ADAM9: variants seen among roughly 807,000 people sequenced by gnomAD.
The protein encoded by ADAM9 is ADAM metallopeptidase domain 9.
A neutral mutation model predicts 108.1 loss-of-function variants in ADAM9; 54 were observed. The observed-to-expected ratio is 0.50, with a 90% CI of 0.40 to 0.63. The LOEUF (loss-of-function observed/expected upper bound fraction) is 0.63. Ranked by LOEUF, ADAM9 falls within the 20% of genes least tolerant of loss-of-function variation. The pLI is 0.00. For synonymous variants in ADAM9, 316 were observed against 336.0 expected, an observed-to-expected ratio of 0.94 and a Z score of 0.65; for missense variants, 830 against 997.7, an observed-to-expected ratio of 0.83 and a Z score of 2.26.
intron 18 of ADAM9, among the ~76,000 whole-genome samples, chr8:39,089,275 A>G (rs538565003): frequency 1.1e-4 from 16 of 152,178 alleles, no homozygotes; most frequent in African/African-American, 3.9e-4. Flanking sequence ...AAAATTATCA[A>G]CTCATAGTAT....
At chr8:39,082,230 T>C (rs1350272778) in intron 16 of ADAM9, among the ~76,000 whole-genome samples, 1 of 152,188 alleles carries the variant, frequency 6.6e-6, no homozygotes, top group African/African-American at 2.4e-5. Flanking sequence ...ATATCTGTCA[T>C]AGTAACAACA....
At chr8:38,998,899 T>C (rs1304569846) in intron 1 of ADAM9, among the ~76,000 whole-genome samples, 1 of 152,206 alleles carries the variant, frequency 6.6e-6, no homozygotes, top group African/African-American at 2.4e-5. Flanking sequence ...GAGTCTTCTA[T>C]GCTGAACTAA....
At chr8:39,038,865 T>C (rs28727336) in intron 11 of ADAM9, among the ~76,000 whole-genome samples, 20,967 of 152,210 alleles carry the variant, frequency 0.14, 3,047 homozygotes, top group African/African-American at 0.37. Context: ...GCCTATTCTT[T>C]TGTCTCAAAC....
At position 39,091,283 on chromosome 8, in the gene ADAM9, C is replaced by T. The variant is rs1839345282; in HGVS notation, c.2235C>T (p.Asn745=). 1 of 1,614,100 alleles carries T rather than the reference C, an allele frequency of 6.2e-7. No homozygotes were observed. Among genetic ancestry groups the T allele is most frequent in the Non-Finnish European group, 8.5e-7 (1 of 1,180,008 alleles). ...TYESDGKNQA[N]PSRQPGSVPR... is the part of the protein sequence containing the mutation. ...GGTCAGATGGCAAAAATCAAGCAAACCCTTCTAGACAGCCGGGGAGTGTTC... is the reference window on the plus strand; with the variant it reads ...GGTCAGATGGCAAAAATCAAGCAAATCCTTCTAGACAGCCGGGGAGTGTTC... Residue 745 remains asparagine, a synonymous_variant, in exon 20 of 22, where the codon AAC becomes AAT. Transcript: ENST00000487273.
chr8:39,006,415 A>T (rs1408020568), intron 1 of ADAM9, among the ~76,000 whole-genome samples: 2 of 151,784 alleles, frequency 1.3e-5, no homozygotes, highest in African/African-American at 4.8e-5. Context: ...TATCTTGGAA[A>T]AAGTTAGATG....
At chr8:39,062,472 G>A (rs561535059) in intron 14 of ADAM9, among the ~76,000 whole-genome samples, 1 of 152,142 alleles carries the variant, frequency 6.6e-6, no homozygotes, top group African/African-American at 2.4e-5. Context: ...TGCCTATCTT[G>A]CTTCTACTTA....
At chr8:39,044,172 T>G (rs547104172) in intron 12 of ADAM9, among the ~76,000 whole-genome samples, 18 of 152,326 alleles carry the variant, frequency 1.2e-4, no homozygotes, top group African/African-American at 4.3e-4. Flanking sequence ...CCAAGACCAA[T>G]GTCATGAAGC....
intron 18 of ADAM9, among the ~76,000 whole-genome samples, chr8:39,086,544 A>G (rs910180763): frequency 6.6e-6 from 1 of 152,192 alleles, no homozygotes; most frequent in African/African-American, 2.4e-5. Flanking sequence ...TTTTGAACAA[A>G]TAGAATACAG....
At chr8:39,009,972 C>CCCT (rs1836301831) in intron 2 of ADAM9, among the ~76,000 whole-genome samples, 1 of 149,216 alleles carries the variant, frequency 6.7e-6, no homozygotes, top group Admixed American at 6.7e-5. Context: ...AAACCCCCCC[C>CCCT]CCCAAACCAA....
intron 12 of ADAM9, among the ~76,000 whole-genome samples, chr8:39,045,439 C>CACACCTATAAGTGCGT (rs1564301873): frequency 2.9e-5 from 1 of 34,338 alleles, no homozygotes; most frequent in Admixed American, 3.2e-4. Context: ...TATATGTGCG[C>CACACCTATAAGTGCGT]GTGTGTACAC....
chr8:39,072,785 T>C (rs778995712), intron 15 of ADAM9, among the ~76,000 whole-genome samples: 8 of 152,270 alleles, frequency 5.3e-5, no homozygotes, highest in Non-Finnish European at 8.8e-5. Flanking sequence ...ACAGGTGTTC[T>C]TGATGCTGTT....
chr8:39,037,050 CTTTTTTTTTTT>C (rs58876607), intron 11 of ADAM9, among the ~76,000 whole-genome samples: 11 of 78,608 alleles, frequency 1.4e-4, no homozygotes, highest in African/African-American at 3.2e-4. Flanking sequence ...TGCGCAAGTT[CTTTTTTTTTTT>C]TTTTTTTTTT....
At chr8:39,066,813 T>C (rs1219651176) in intron 14 of ADAM9, among the ~76,000 whole-genome samples, 1 of 152,232 alleles carries the variant, frequency 6.6e-6, no homozygotes, top group African/African-American at 2.4e-5. Context: ...GTTTTAGACA[T>C]GAAGTCCTTG....
chr8:39,082,858 TGTCA>T (rs1839066133), intron 17 of ADAM9, 106 bp from the exon 18 acceptor site: 1 of 1,325,188 alleles, frequency 7.5e-7, no homozygotes, highest in African/African-American at 1.5e-5. Context: ...TCTTAAACAG[TGTCA>T]GTAAGCTTGT....
intron 10 of ADAM9, 52 bp downstream of exon 10, chr8:39,025,936 A>G: frequency 6.5e-7 from 1 of 1,541,918 alleles, no homozygotes; most frequent in Non-Finnish European, 9.0e-7. Flanking sequence ...GACAATATCA[A>G]GCATTTATTG....
At chr8:39,078,401 A>G (rs907380649) in intron 16 of ADAM9, among the ~76,000 whole-genome samples, 15 of 150,754 alleles carry the variant, frequency 9.9e-5, no homozygotes, top group Non-Finnish European at 1.9e-4. Context: ...GGCTCATGAC[A>G]AAAACAACTC....
At chr8:39,028,842 G>A (rs1421443801) in intron 11 of ADAM9, among the ~76,000 whole-genome samples, 1 of 152,138 alleles carries the variant, frequency 6.6e-6, no homozygotes, top group Non-Finnish European at 1.5e-5. Context: ...GCAGAATGTG[G>A]AGGATTGGGA....
In ADAM9 at chr8:39,054,147, A is replaced by G. The variant is rs566490730; in HGVS notation, c.1303-334A>G. Among the ~76,000 whole-genome samples, 4 of 152,250 alleles carry G rather than the reference A, an allele frequency of 2.6e-5. No homozygotes were observed. In the South Asian group the frequency reaches 8.3e-4, roughly 32 times the overall value. ...GGAAGAGAATCCTCACTAGAAACTG[A>G]ACTAGTAGGAACCTTGATCTTGGAT... On this transcript the variant is annotated intron_variant, in intron 12 of 21. Coordinates refer to ENST00000487273, the MANE Select transcript of ADAM9 (RefSeq NM_003816.3).
chr8:39,103,987 C>T lies in ADAM9; in HGVS notation c.*287C>T. ...ATGCACTAATCATGGATTTTTTGAA[C>T]ATGTTATTGCAGTGATTCTCAAATT... On this transcript the variant is annotated 3_prime_UTR_variant, in exon 22 of 22. Coordinates refer to ENST00000487273, the MANE Select transcript of ADAM9 (RefSeq NM_003816.3). 2 of 570,912 alleles carry T rather than the reference C, an allele frequency of 3.5e-6. No homozygotes were observed. The highest frequency in any genetic ancestry group is 1.8e-5 in the African/African-American group (1 of 54,248). 35.4% of individuals were successfully genotyped at this position (570,912 alleles called of 1,614,324 possible).
Sources: gnomAD v4.1 joint callset for allele counts (sites outside exome capture counted in the v4.1 genomes callset) on GRCh38, gnomAD v4.1.1 for gene constraint, MANE v1.5 for transcripts, NCBI Gene and HGNC (gene_info 2026-07-23, HGNC 2026-07-21) for gene names.